The following SETD1A variants were observed in gnomAD, a reference collection of about 807,000 sequenced individuals.
SETD1A encodes SET domain containing 1A, histone lysine methyltransferase, also known as histone-lysine N-methyltransferase SETD1A.
In SETD1A, 29 loss-of-function variants were observed where a neutral mutation model predicts 149.9. The ratio of observed to expected loss-of-function variants is 0.19; its 90% CI spans 0.14 to 0.26. SETD1A has a LOEUF of 0.26. SETD1A is among the 10% of genes least tolerant of loss of function. The pLI, the probability that SETD1A is intolerant of heterozygous loss-of-function variation, is 1.00. For missense variants in SETD1A, 2,109 were observed against 2,353.1 expected (o/e 0.90, Z 2.15); for synonymous variants, 1,141 against 968.5 (o/e 1.18, Z -3.31).
intron 12 of SETD1A, among the ~76,000 whole-genome samples, chr16:30,970,481 T>A (rs994061605): frequency 5.3e-5 from 8 of 152,088 alleles, no homozygotes; most frequent in African/African-American, 1.4e-4. Context: ...TTGGCCAGGC[T>A]GGTCCCAAAC....
chr16:30,979,956 G>T lies in SETD1A; in HGVS notation c.4170G>T (p.Arg1390=). ...SSSSDGEGAL[R]RRSLRSHARR... is the part of the protein sequence containing the mutation. ...GCAGCGATGGGGAGGGCGCCCTCCG[G>T]AGGCGCAGCCTCCGCTCCCACGCCC... Residue 1390 remains arginine (R), a synonymous_variant, in exon 14 of 19, where the codon CGG becomes CGT. Coordinates refer to ENST00000262519, the MANE Select transcript of SETD1A (RefSeq NM_014712.3). 2 of 1,532,322 alleles carry T rather than the reference G, an allele frequency of 1.3e-6. No homozygotes were observed. Among genetic ancestry groups the T allele is most frequent in the Non-Finnish European group, 1.7e-6 (2 of 1,143,356 alleles). The allele number at this position is 1,532,322 out of a possible 1,614,324, so 94.9% of individuals were successfully genotyped here. A position where few individuals can be genotyped will look rare whatever the true frequency, so the allele number is the denominator to read the frequency against.
At chr16:30,975,525 G>C (rs527820353) in intron 13 of SETD1A, among the ~76,000 whole-genome samples, 2 of 150,240 alleles carry the variant, frequency 1.3e-5, no homozygotes, top group African/African-American at 4.9e-5. Flanking sequence ...CCGCTTCCCG[G>C]GTTCATGTGA....
intron 5 of SETD1A, 71 bp from the exon 6 acceptor site, chr16:30,964,023 T>G (rs2056094579): frequency 3.3e-6 from 4 of 1,216,368 alleles, no homozygotes; most frequent in Admixed American, 2.1e-5. Context: ...GGATTCCTGG[T>G]TTGGGAAAGG....
At chr16:30,967,715 CA>C (rs1227547753) in intron 10 of SETD1A, 127 bp downstream of exon 10, 1 of 747,862 alleles carries the variant, frequency 1.3e-6, no homozygotes, top group Admixed American at 2.3e-5. Context: ...GGTTGAAATG[CA>C]GCAGTTCTGA....
intron 13 of SETD1A, among the ~76,000 whole-genome samples, chr16:30,972,054 AG>A (rs1167479896): frequency 6.6e-6 from 1 of 152,238 alleles, no homozygotes; most frequent in Non-Finnish European, 1.5e-5. Flanking sequence ...GTAGTGAACA[AG>A]TGCAGGTTAT....
Position 30,980,944 on chromosome 16 carries a change from C to T in SETD1A, c.4692+95C>T, listed in dbSNP as rs779460915. 835 of 1,566,326 alleles carry T rather than the reference C, an allele frequency of 5.3e-4. No homozygotes were observed. The highest frequency in any genetic ancestry group is 9.1e-4 in the Admixed American group (53 of 58,314). On this transcript the variant is annotated intron_variant, in intron 16 of 18. Transcript: ENST00000262519. The surrounding 1 kb of genome is among the most constrained non-coding windows in gnomAD (Gnocchi z 7.7). ...ACCCAGCAGGCTCCTGTGGTTCCCT[C>T]GGGTGGAGTTGGGGGGTAAGCAGCC...
At chr16:30,962,152 C>T (rs926314405) in intron 4 of SETD1A, among the ~76,000 whole-genome samples, 10 of 151,944 alleles carry the variant, frequency 6.6e-5, no homozygotes, top group African/African-American at 2.4e-4. Flanking sequence ...GCAACCTCCA[C>T]CTCCCAGGTT....
chr16:30,971,499 CTCCTCG>C lies in SETD1A; in HGVS notation c.3144_3149del (p.Ser1057_Ser1058del), dbSNP rs1567357763. ...CTTCCAGCTCCTCATCCTCCTCCTC[CTCCTCG>C]TCCTCATCCTCCTCGTCCTCTTCAT... On this transcript the variant is annotated inframe_deletion, in exon 13 of 19. Coordinates refer to ENST00000262519, the MANE Select transcript of SETD1A (RefSeq NM_014712.3). 1.2e-6 allele frequency: 2 copies of C among 1,613,942 alleles called. No homozygotes were observed. The highest frequency in any genetic ancestry group is 1.7e-6 in the Non-Finnish European group (2 of 1,179,938).
intron 13 of SETD1A, among the ~76,000 whole-genome samples, chr16:30,974,317 G>A (rs567470511): frequency 2.0e-5 from 3 of 152,232 alleles, no homozygotes; most frequent in East Asian, 1.9e-4. Flanking sequence ...TGGAAAGAAC[G>A]GTAGGCTGGA....
At chr16:30,969,562 G>C in intron 11 of SETD1A, 40 bp from the exon 12 acceptor site, 1 of 1,605,060 alleles carries the variant, frequency 6.2e-7, no homozygotes, top group Non-Finnish European at 8.5e-7. Flanking sequence ...AGGACCAGTT[G>C]TCCCCTTCCT....
chr16:30,963,946 C>CAG, intron 5 of SETD1A, 148 bp from the exon 6 acceptor site: 1 of 671,396 alleles, frequency 1.5e-6, no homozygotes, highest in Admixed American at 2.8e-5. Flanking sequence ...GAGCCGAGAT[C>CAG]ACGCCACTGG....
chr16:30,960,838 T>G (rs1190520637), intron 3 of SETD1A, among the ~76,000 whole-genome samples: 2 of 147,466 alleles, frequency 1.4e-5, no homozygotes, highest in African/African-American at 5.0e-5. Flanking sequence ...CAGGTTCAAG[T>G]GATTCTCCTG....
At chr16:30,968,737 G>C (rs1490289644) in intron 10 of SETD1A, among the ~76,000 whole-genome samples, 2 of 151,948 alleles carry the variant, frequency 1.3e-5, no homozygotes, top group Non-Finnish European at 2.9e-5. Flanking sequence ...GGAGGCAGAG[G>C]CTGCTGTGAG....
At position 30,979,859 on chromosome 16, in the gene SETD1A, G is replaced by C. The variant is rs749924352; in HGVS notation, c.4073G>C (p.Arg1358Pro). 1.8e-4 allele frequency: 281 copies of C among 1,541,126 alleles called. No individual in the cohort carries two copies. Among genetic ancestry groups the C allele is most frequent in the Middle Eastern group, 3.7e-4 (2 of 5,472 alleles). ...AAGCCGCAGCAACTGCAGCAGCAGC[G>C]GGAGGAGGGCGAAGAGGAGGGGGAG... The part of the protein sequence containing the change: ...EPKPQQLQQQ[R>P]EEGEEEGEEE... The change falls in exon 14 of 19, where the codon CGG becomes CCG. Residue 1358 changes from arginine (R) to proline (P), a missense_variant. Arg to Pro is a moderately radical substitution (Grantham distance 103, BLOSUM62 -2). Transcript: ENST00000262519.
At chr16:30,971,352 C>T (rs1403777830) in intron 12 of SETD1A, 26 bp from the exon 13 acceptor site, 3 of 1,556,952 alleles carry the variant, frequency 1.9e-6, no homozygotes, top group African/African-American at 1.4e-5. Context: ...GCCCACCTCT[C>T]CTGACTGCCC....
intron 13 of SETD1A, among the ~76,000 whole-genome samples, chr16:30,974,305 T>C (rs1596686055): frequency 6.6e-6 from 1 of 151,970 alleles, no homozygotes; most frequent in South Asian, 2.1e-4. Flanking sequence ...GGATCTGGGG[T>C]CTGGAAAGAA....
intron 3 of SETD1A, among the ~76,000 whole-genome samples, chr16:30,959,759 T>G (rs1281601635): frequency 6.6e-6 from 1 of 151,916 alleles, no homozygotes; most frequent in South Asian, 2.1e-4. Flanking sequence ...CTTCTTTTTT[T>G]TTTTTTTACT....
intron 3 of SETD1A, among the ~76,000 whole-genome samples, chr16:30,959,597 G>A (rs991018751): frequency 6.6e-6 from 1 of 152,078 alleles, no homozygotes; most frequent in Non-Finnish European, 1.5e-5. Context: ...TTTCCCTCTT[G>A]TTTCCTTCGA....
In SETD1A at chr16:30,961,231, G is replaced by C; in HGVS notation, c.247-36G>C. On this transcript the variant is annotated intron_variant, in intron 3 of 18. Coordinates refer to ENST00000262519, the MANE Select transcript of SETD1A (RefSeq NM_014712.3). The surrounding 1 kb of genome is among the most constrained non-coding windows in gnomAD (Gnocchi z 4.0). ...GAAGGACAAAGGAACAGTGGTCAGT[G>C]TTGAGACCCCATACCAACTCCTGTT... 6.2e-7 allele frequency: 1 copy of C among 1,610,414 alleles called. No individual in the cohort carries two copies. Among genetic ancestry groups the C allele is most frequent in the Non-Finnish European group, 8.5e-7 (1 of 1,176,980 alleles).
Sources: allele counts gnomAD v4.1 joint callset (sites outside exome capture counted in the v4.1 genomes callset), GRCh38; gene constraint gnomAD v4.1.1; non-coding constraint Gnocchi (gnomAD v3.1); transcripts MANE v1.5; gene names NCBI Gene and HGNC (gene_info 2026-07-23, HGNC 2026-07-21).